Variants in TEX51 observed in about 807,000 individuals in gnomAD.
TEX51 encodes the protein testis-expressed protein 51.
In TEX51, 14 loss-of-function variants were observed where a neutral mutation model predicts 8.0. That is an observed-to-expected ratio of 1.76 (90% CI 1.16 to 2.75). The LOEUF is 2.75. Among genes scored for constraint, TEX51 ranks in the 30% most tolerant of loss-of-function variants. The pLI is 0.00. For missense variants in TEX51, 142 were observed against 77.4 expected (o/e 1.83, Z -3.13); for synonymous variants, 58 against 28.6 (o/e 2.03, Z -3.29).
intron 3 of TEX51, 50 bp downstream of exon 3, chr2:126,899,662 CA>C (rs1221834888): frequency 4.3e-6 from 3 of 694,470 alleles, no homozygotes; most frequent in African/African-American, 3.5e-5. Context: ...CCACACCTGC[CA>C]AGACCCAAGG....
rs531465780 is a variant in TEX51 at position 126,899,238 on chromosome 2, A to T, written c.167A>T (p.Glu56Val). 1.1e-4 allele frequency: 75 copies of T among 702,244 alleles called. 3 individuals are homozygous for T. In the South Asian group the frequency reaches 1.1e-3, roughly 10 times the overall value. The allele number at this position is 702,244 out of a possible 1,614,324, so 43.5% of individuals were successfully genotyped here. A position where few individuals can be genotyped will look rare whatever the true frequency, so the allele number is the denominator to read the frequency against. ...LSQNRDHLEE[E>V]TAKFFTQVHQ... ...TCAGATCGTGACCATTTGGAAGAAG[A>T]AACAGCCAAATTCTTCACTCAAGTA... The change falls in exon 2 of 7, where the codon GAA (glutamate) becomes GTA (valine). Residue 56 changes from glutamate (E) to valine (V), a missense_variant. Transcript: ENST00000568484.
intron 6 of TEX51, among the ~76,000 whole-genome samples, 171 bp from the exon 7 acceptor site, chr2:126,901,701 C>T (rs952633975): frequency 2.6e-5 from 4 of 152,194 alleles, no homozygotes; most frequent in Non-Finnish European, 5.9e-5. Flanking sequence ...CCCACCTTCA[C>T]CCCTGCTGCC....
chr2:126,899,692 C>A, intron 3 of TEX51, 80 bp downstream of exon 3: 1 of 693,136 alleles, frequency 1.4e-6, no homozygotes, highest in Non-Finnish European at 2.6e-6. Flanking sequence ...TTTCACTCTG[C>A]AGCCCCCTCG....
rs557960110 is a variant in TEX51 at position 126,901,886 on chromosome 2, G to A, written c.*17G>A. 1.4e-5 allele frequency: 9 copies of A among 644,136 alleles called. No homozygotes were observed. The highest frequency in any genetic ancestry group is 2.4e-4 in the Middle Eastern group (1 of 4,124). 39.9% of individuals were successfully genotyped at this position (644,136 alleles called of 1,614,324 possible). A position where few individuals can be genotyped will look rare whatever the true frequency, so the allele number is the denominator to read the frequency against. ...TCCCTCAGCAGGAACAGGGCAGCCC[G>A]CATGTCTTCCAGAAGTGAACAGAGG... is the stretch of plus-strand genomic sequence containing the variant. On this transcript the variant is annotated 3_prime_UTR_variant, in exon 7 of 7. Transcript: ENST00000568484.
chr2:126,899,110 G>A, intron 1 of TEX51, 47 bp downstream of exon 1: 1 of 701,136 alleles, frequency 1.4e-6, no homozygotes, highest in East Asian at 2.7e-5. Context: ...TCAAACCCTG[G>A]TACCTTGGTG....
chr2:126,899,235 A>C lies in TEX51; in HGVS notation c.164A>C (p.Glu55Ala), dbSNP rs61730204. Residue 55 changes from glutamate to alanine, a missense_variant, in exon 2 of 7, where the codon GAA becomes GCA. Glu to Ala is a moderately radical substitution (Grantham distance 107, BLOSUM62 -1). Coordinates refer to ENST00000568484, the MANE Select transcript of TEX51 (RefSeq NM_001322244.2). ...TCCTCAGATCGTGACCATTTGGAAG[A>C]AGAAACAGCCAAATTCTTCACTCAA... is the stretch of plus-strand genomic sequence containing the variant. Reference protein sequence around the residue: ...ELSQNRDHLEEETAKFFTQVH... With the variant: ...ELSQNRDHLEAETAKFFTQVH... 39 of 702,230 alleles carry C rather than the reference A, an allele frequency of 5.6e-5. No homozygotes were observed. The highest frequency in any genetic ancestry group is 3.5e-4 in the African/African-American group (20 of 57,318). 43.5% of individuals were successfully genotyped at this position (702,230 alleles called of 1,614,324 possible).
rs1370457400 is a variant in TEX51, at chr2:126,899,566, CT to C, written c.267del (p.Phe89LeufsTer5). 2.8e-6 allele frequency: 2 copies of C among 702,074 alleles called. No individual in the cohort carries two copies. The highest frequency in any genetic ancestry group is 5.2e-6 in the Non-Finnish European group (2 of 384,774). 43.5% of individuals were successfully genotyped at this position (702,074 alleles called of 1,614,324 possible). A position where few individuals can be genotyped will look rare whatever the true frequency, so the allele number is the denominator to read the frequency against. On this transcript the variant is annotated frameshift_variant, in exon 3 of 7. Coordinates refer to ENST00000568484, the MANE Select transcript of TEX51 (RefSeq NM_001322244.2). LOFTEE classifies it high-confidence loss of function. ...LEEIYTHKNL[F>X]TERLNKISDG... ...AAGAGATCTACACGCACAAGAATCT[CT>C]TTACTGAGAGGCTGAATAAGATATC... is the stretch of plus-strand genomic sequence containing the variant.
chr2:126,901,808 C>T, intron 6 of TEX51, 64 bp from the exon 7 acceptor site: 1 of 569,352 alleles, frequency 1.8e-6, no homozygotes, highest in East Asian at 3.0e-5. Flanking sequence ...GTTAGAGAGA[C>T]AGGGAGGAGG....
Position 126,899,959 on chromosome 2 carries a change from A to AT in TEX51, c.334_335insT (p.Thr112IlefsTer5), listed in dbSNP as rs1680239060. ...AGACATACAGTCCACACTGAAGGTC[A>AT]CCAGCTGTGCTGACTGCAGGACTCA... is the stretch of plus-strand genomic sequence containing the variant. On this transcript the variant is annotated frameshift_variant, in exon 4 of 7. Coordinates refer to ENST00000568484, the MANE Select transcript of TEX51 (RefSeq NM_001322244.2). LOFTEE classifies it high-confidence loss of function. 1.4e-6 allele frequency: 1 copy of AT among 701,662 alleles called. No individual in the cohort carries two copies. Among genetic ancestry groups the AT allele is most frequent in the Non-Finnish European group, 2.6e-6 (1 of 384,766 alleles). 43.5% of individuals were successfully genotyped at this position (701,662 alleles called of 1,614,324 possible).
chr2:126,901,696 C>T (rs1489045165), intron 6 of TEX51, among the ~76,000 whole-genome samples, 176 bp from the exon 7 acceptor site: 3 of 152,216 alleles, frequency 2.0e-5, no homozygotes, highest in Admixed American at 2.0e-4. Flanking sequence ...CACACCCCAC[C>T]TTCACCCCTG....
rs1434980521 is a variant in TEX51, at chr2:126,902,004, G to C, written c.*135G>C. 1 of 570,170 alleles carries C rather than the reference G, an allele frequency of 1.8e-6. No homozygotes were observed. Among genetic ancestry groups the C allele is most frequent in the Non-Finnish European group, 3.1e-6 (1 of 320,326 alleles). The allele number at this position is 570,170 out of a possible 1,614,324, so 35.3% of individuals were successfully genotyped here. A position where few individuals can be genotyped will look rare whatever the true frequency, so the allele number is the denominator to read the frequency against. ...CCATCCTGGGTCCTGGGGCCCCAAA[G>C]CTCTGAGGCCTAGGAGACTGCGCTG... On this transcript the variant is annotated 3_prime_UTR_variant, in exon 7 of 7. Transcript: ENST00000568484.
At position 126,898,918 on chromosome 2, in the gene TEX51, G is replaced by C. The variant is rs763271148; in HGVS notation, c.-1G>C. On this transcript the variant is annotated 5_prime_UTR_variant, in exon 1 of 7. Transcript: ENST00000568484. ...GGGGCACAGTAGGAGGAACCCAGAA[G>C]ATGCTGCCTCTCCTGATCATCTGTC... 5.0e-5 allele frequency: 35 copies of C among 698,738 alleles called. No homozygotes were observed. The highest frequency in any genetic ancestry group is 1.2e-4 in the Admixed American group (6 of 49,960). 43.3% of individuals were successfully genotyped at this position (698,738 alleles called of 1,614,324 possible). A position where few individuals can be genotyped will look rare whatever the true frequency, so the allele number is the denominator to read the frequency against.
chr2:126,899,775 C>T, intron 3 of TEX51, 161 bp from the exon 4 acceptor site: 1 of 702,176 alleles, frequency 1.4e-6, no homozygotes, highest in Non-Finnish European at 2.6e-6. Context: ...CCCCAGAACC[C>T]CTTGGCTCTG....
chr2:126,901,351 G>C lies in TEX51; in HGVS notation c.464-14G>C. The C allele has an allele frequency of 1.4e-6, 1 of 702,302 alleles. No homozygotes were observed. The highest frequency in any genetic ancestry group is 2.6e-6 in the Non-Finnish European group (1 of 384,798). 43.5% of individuals were successfully genotyped at this position (702,302 alleles called of 1,614,324 possible). ...CCTATTCCCTGACTGACTCCACCCT[G>C]TTTCTTGGCCCAGATGTTTCTTTTA... On this transcript the variant is annotated splice_polypyrimidine_tract_variant and intron_variant, in intron 5 of 6. Coordinates refer to ENST00000568484, the MANE Select transcript of TEX51 (RefSeq NM_001322244.2).
In TEX51 at chr2:126,899,591, T is replaced by C. The variant is rs1290580511; in HGVS notation, c.289T>C (p.Ser97Pro). The C allele has an allele frequency of 2.8e-6, 2 of 701,932 alleles. No individual in the cohort carries two copies. Among genetic ancestry groups the C allele is most frequent in the Non-Finnish European group, 5.2e-6 (2 of 384,738 alleles). 43.5% of individuals were successfully genotyped at this position (701,932 alleles called of 1,614,324 possible). The change falls in exon 3 of 7, where the codon TCT becomes CCT. Residue 97 changes from serine to proline, a missense_variant. By Grantham distance (74) the Ser-to-Pro change is moderately conservative. Transcript: ENST00000568484. ...CTTTACTGAGAGGCTGAATAAGATA[T>C]CTGATGGGCTGAAGGAGAAGGGTAA... ...NLFTERLNKI[S>P]DGLKEKDIQS...
chr2:126,900,931 GT>G (rs1680297397), intron 4 of TEX51, among the ~76,000 whole-genome samples: 1 of 152,166 alleles, frequency 6.6e-6, no homozygotes, highest in Non-Finnish European at 1.5e-5. Context: ...TCAGACTCCT[GT>G]TTTCTAAGAA....
rs543755047 is a variant in TEX51 at position 126,899,628 on chromosome 2, G to T, written c.310+16G>T. 7 of 699,780 alleles carry T rather than the reference G, an allele frequency of 1.0e-5. No individual in the cohort carries two copies. Among genetic ancestry groups the T allele is most frequent in the South Asian group, 6.0e-5 (4 of 66,994 alleles). The allele number at this position is 699,780 out of a possible 1,614,324, so 43.3% of individuals were successfully genotyped here. A position where few individuals can be genotyped will look rare whatever the true frequency, so the allele number is the denominator to read the frequency against. Reference sequence around the variant, plus strand: ...AAGGAGAAGGGTAAGGGGTGGGGACGATCCCTGCACACGGCCCAGCCCTCC... The same window carrying T: ...AAGGAGAAGGGTAAGGGGTGGGGACTATCCCTGCACACGGCCCAGCCCTCC... On this transcript the variant is annotated intron_variant, in intron 3 of 6. Coordinates refer to ENST00000568484, the MANE Select transcript of TEX51 (RefSeq NM_001322244.2).
chr2:126,899,404 A>C (rs1295548776), intron 2 of TEX51, 113 bp downstream of exon 2: 1 of 685,080 alleles, frequency 1.5e-6, no homozygotes, highest in Non-Finnish European at 2.7e-6. Context: ...TGAAGGTGGG[A>C]GATGAATGCA....
In TEX51 at chr2:126,901,862, C is replaced by G. The variant is rs895984785; in HGVS notation, c.*3-10C>G. 13 of 599,532 alleles carry G rather than the reference C, an allele frequency of 2.2e-5. No individual in the cohort carries two copies. Among genetic ancestry groups the G allele is most frequent in the Admixed American group, 1.2e-4 (4 of 34,464 alleles). The allele number at this position is 599,532 out of a possible 1,614,324, so 37.1% of individuals were successfully genotyped here. ...AGGGTAGAAATGCCCAGCTTCTTCTCCCTCAGCAGGAACAGGGCAGCCCGC... is the reference window on the plus strand; with the variant it reads ...AGGGTAGAAATGCCCAGCTTCTTCTGCCTCAGCAGGAACAGGGCAGCCCGC... On this transcript the variant is annotated splice_polypyrimidine_tract_variant and intron_variant, in intron 6 of 6. Coordinates refer to ENST00000568484, the MANE Select transcript of TEX51 (RefSeq NM_001322244.2).
Sources: allele counts gnomAD v4.1 joint callset (sites outside exome capture counted in the v4.1 genomes callset), GRCh38; gene constraint gnomAD v4.1.1; transcripts MANE v1.5; gene names NCBI Gene and HGNC (gene_info 2026-07-23, HGNC 2026-07-21).